The following NCAM2 variants were observed in gnomAD, a reference collection of about 807,000 sequenced individuals.
The protein encoded by NCAM2 is neural cell adhesion molecule 2, also known as N-CAM-2.
A neutral mutation model predicts 98.1 loss-of-function variants in NCAM2; 30 were observed. The ratio of observed to expected loss-of-function variants is 0.31; its 90% CI spans 0.23 to 0.41. The LOEUF is 0.41. NCAM2 is among the 10% of genes least tolerant of loss of function. The pLI is 1.00. For missense variants in NCAM2, 867 were observed against 1,005.8 expected (o/e 0.86, Z 1.87); for synonymous variants, 368 against 342.4 (o/e 1.07, Z -0.83).
chr21:21,030,940 T>C (rs1392578594), intron 1 of NCAM2, among the ~76,000 whole-genome samples: 1 of 140,590 alleles, frequency 7.1e-6, no homozygotes, highest in Non-Finnish European at 1.6e-5. Flanking sequence ...AATATAGTTA[T>C]GAATTTAAAA....
intron 1 of NCAM2, among the ~76,000 whole-genome samples, chr21:21,262,023 A>G (rs1460731150): frequency 6.6e-6 from 1 of 152,188 alleles, no homozygotes; most frequent in Non-Finnish European, 1.5e-5. Flanking sequence ...GAAATAGGTG[A>G]CATTGCAACT....
intron 1 of NCAM2, among the ~76,000 whole-genome samples, chr21:21,166,919 A>G (rs2067970342): frequency 1.3e-5 from 2 of 152,344 alleles, no homozygotes; most frequent in African/African-American, 2.4e-5. Flanking sequence ...CACAAAATTC[A>G]GACTAAACGC....
At chr21:21,367,254 TA>T (rs2075809841) in intron 8 of NCAM2, among the ~76,000 whole-genome samples, 1 of 151,986 alleles carries the variant, frequency 6.6e-6, no homozygotes, top group South Asian at 2.1e-4. Context: ...TTTATAGATT[TA>T]GGGGGTACAA....
At chr21:21,010,864 G>A in intron 1 of NCAM2, among the ~76,000 whole-genome samples, 1 of 152,104 alleles carries the variant, frequency 6.6e-6, no homozygotes, top group East Asian at 1.9e-4. Context: ...CATGCAGGGA[G>A]CTGAGGTTGA....
At chr21:21,177,234 A>G (rs2826718) in intron 1 of NCAM2, among the ~76,000 whole-genome samples, 67,017 of 151,716 alleles carry the variant, frequency 0.44, 16,117 homozygotes, top group South Asian at 0.61. Flanking sequence ...AGCAAATTAT[A>G]TCCTACAAAT....
At chr21:21,328,550 C>T (rs1323406768) in intron 6 of NCAM2, among the ~76,000 whole-genome samples, 2 of 149,758 alleles carry the variant, frequency 1.3e-5, no homozygotes, top group Admixed American at 1.3e-4. Context: ...GACCCTGAGT[C>T]GGCCGAGGCT....
At chr21:21,533,482 C>G (rs1460133888) in intron 16 of NCAM2, among the ~76,000 whole-genome samples, 1 of 151,762 alleles carries the variant, frequency 6.6e-6, no homozygotes, top group East Asian at 1.9e-4. Context: ...TAGTAATTTT[C>G]AGTTTTACCG....
intron 8 of NCAM2, among the ~76,000 whole-genome samples, chr21:21,343,172 T>A (rs2147898200): frequency 6.6e-6 from 1 of 152,272 alleles, no homozygotes; most frequent in South Asian, 2.1e-4. Flanking sequence ...TATTTACTGG[T>A]TTTTGTTAAA....
chr21:21,024,556 A>G lies in NCAM2; in HGVS notation c.55+25938A>G, dbSNP rs372056143. Among the ~76,000 whole-genome samples the G allele has an allele frequency of 8.3e-4, 126 of 152,306 alleles. 1 individual carries two copies. In the South Asian group the frequency reaches 0.011, roughly 13 times the overall value. On this transcript the variant is annotated intron_variant, in intron 1 of 17. Coordinates refer to ENST00000400546, the MANE Select transcript of NCAM2 (RefSeq NM_004540.5). Reference sequence around the variant, plus strand: ...TGGCTTGATCCTCAATCAGTTGTCCAACTTAAGTAGAAAAAAACTTTAAAA... The same window carrying G: ...TGGCTTGATCCTCAATCAGTTGTCCGACTTAAGTAGAAAAAAACTTTAAAA...
chr21:21,170,839 G>C (rs924904995), intron 1 of NCAM2, among the ~76,000 whole-genome samples: 1 of 152,226 alleles, frequency 6.6e-6, no homozygotes, highest in East Asian at 1.9e-4. Context: ...CCTAGAGGGG[G>C]GAAGGCTGTG....
intron 9 of NCAM2, among the ~76,000 whole-genome samples, chr21:21,385,020 GT>G (rs200378873): frequency 1.5e-4 from 22 of 150,266 alleles, no homozygotes; most frequent in South Asian, 1.1e-3. Flanking sequence ...GTTGAAACTT[GT>G]TTTTTTTTAC....
intron 1 of NCAM2, among the ~76,000 whole-genome samples, chr21:21,240,932 A>G (rs988116703): frequency 6.6e-6 from 1 of 152,150 alleles, no homozygotes; most frequent in Non-Finnish European, 1.5e-5. Flanking sequence ...TATTTCAATT[A>G]TTATTGTTGA....
intron 1 of NCAM2, among the ~76,000 whole-genome samples, chr21:21,232,082 C>A (rs1230237017): frequency 6.6e-6 from 1 of 151,356 alleles, no homozygotes; most frequent in African/African-American, 2.4e-5. Context: ...CCTTTCTCCC[C>A]AGTTATCTTG....
intron 12 of NCAM2, among the ~76,000 whole-genome samples, chr21:21,458,756 T>C (rs1167874965): frequency 1.3e-5 from 2 of 152,020 alleles, no homozygotes; most frequent in Non-Finnish European, 2.9e-5. Flanking sequence ...GACAGAAATA[T>C]AGGGAAAAGG....
chr21:21,321,665 G>A (rs936848486), intron 5 of NCAM2, among the ~76,000 whole-genome samples: 9 of 152,042 alleles, frequency 5.9e-5, no homozygotes, highest in South Asian at 4.1e-4. Context: ...ACCACTTACC[G>A]AATAAGGAGT....
chr21:21,284,224 A>G lies in NCAM2; in HGVS notation c.161A>G (p.Tyr54Cys). The change falls in exon 3 of 18, where the codon TAT becomes TGT. Residue 54 changes from tyrosine (Y) to cysteine (C), a missense_variant. Tyr to Cys is a radical substitution (Grantham distance 194). This residue lies in a region of NCAM2 where 447 missense variants were observed against 495.7 expected (regional missense o/e 0.90). Coordinates refer to ENST00000400546, the MANE Select transcript of NCAM2 (RefSeq NM_004540.5). ...GGTGAACCTGAAAGTATAGATTGGTATAATCCTCAAGGAGAGAAGATAATT... is the reference window on the plus strand; with the variant it reads ...GGTGAACCTGAAAGTATAGATTGGTGTAATCCTCAAGGAGAGAAGATAATT... ...AIGEPESIDW[Y>C]NPQGEKIIST... 6.2e-7 allele frequency: 1 copy of G among 1,612,524 alleles called. No homozygotes were observed. Among genetic ancestry groups the G allele is most frequent in the Non-Finnish European group, 8.5e-7 (1 of 1,178,814 alleles).
chr21:21,114,541 A>G (rs992812954), intron 1 of NCAM2, among the ~76,000 whole-genome samples: 10 of 152,182 alleles, frequency 6.6e-5, no homozygotes, highest in Non-Finnish European at 1.5e-4. Flanking sequence ...ACAAGAGTGG[A>G]GATGTCATCT....
chr21:21,524,284 C>G (rs1019736715), intron 16 of NCAM2, among the ~76,000 whole-genome samples: 1 of 151,996 alleles, frequency 6.6e-6, no homozygotes, highest in African/African-American at 2.4e-5. Flanking sequence ...ATATAGTGAT[C>G]TTTAACATGT....
intron 1 of NCAM2, among the ~76,000 whole-genome samples, chr21:21,259,882 A>AT (rs2147338312): frequency 6.6e-6 from 1 of 150,716 alleles, no homozygotes; most frequent in South Asian, 2.1e-4. Flanking sequence ...GAACAAAATA[A>AT]TTTTTTAAAA....
Sources: allele counts gnomAD v4.1 joint callset (sites outside exome capture counted in the v4.1 genomes callset), GRCh38; gene constraint gnomAD v4.1.1; regional missense constraint gnomAD v4.1.1; transcripts MANE v1.5; gene names NCBI Gene and HGNC (gene_info 2026-07-23, HGNC 2026-07-21).